The following SUGCT variants were observed in gnomAD, a reference collection of about 807,000 sequenced individuals.
SUGCT encodes succinyl-CoA:glutarate CoA-transferase.
A neutral mutation model predicts 55.0 loss-of-function variants in SUGCT; 41 were observed. That is an observed-to-expected ratio of 0.74 (90% confidence interval 0.58 to 0.97). SUGCT has a LOEUF of 0.97. Among genes scored for constraint, SUGCT ranks in the 50% least tolerant of loss-of-function variants. The pLI is 0.00. For missense variants in SUGCT, 568 were observed against 547.8 expected, an observed-to-expected ratio of 1.04 and a Z score of -0.37; for synonymous variants, 187 against 200.4, an observed-to-expected ratio of 0.93 and a Z score of 0.56.
the SUGCT span, among the ~76,000 whole-genome samples, chr7:40,897,704 G>A: frequency 6.6e-6 from 1 of 152,170 alleles, no homozygotes; most frequent in African/African-American, 2.4e-5. Flanking sequence ...GACAGCAAAT[G>A]AGAGGTGAAG....
At chr7:41,019,399 G>T in the SUGCT span, among the ~76,000 whole-genome samples, 2 of 152,166 alleles carry the variant, frequency 1.3e-5, no homozygotes, top group African/African-American at 4.8e-5. Context: ...CCTGATCCTT[G>T]TGGATTGATT....
intron 9 of SUGCT, among the ~76,000 whole-genome samples, chr7:40,337,320 G>A (rs138559700): frequency 0.016 from 2,435 of 152,060 alleles, 36 homozygotes; most frequent in South Asian, 0.044. Context: ...TTTCTGTCTC[G>A]TTGATCTGTC....
chr7:40,646,383 T>G (rs1172056319), intron 12 of SUGCT, among the ~76,000 whole-genome samples: 2 of 150,850 alleles, frequency 1.3e-5, no homozygotes, highest in East Asian at 1.9e-4. Flanking sequence ...AATAGCTGGG[T>G]TTTTTTTCTT....
intron 1 of SUGCT, among the ~76,000 whole-genome samples, chr7:40,163,839 T>G (rs1784296403): frequency 6.6e-6 from 1 of 151,900 alleles, no homozygotes; most frequent in South Asian, 2.1e-4. Flanking sequence ...TTTTTTTTTT[T>G]TAGACAGAGT....
intron 9 of SUGCT, among the ~76,000 whole-genome samples, chr7:40,393,831 T>C (rs1785575687): frequency 6.6e-6 from 1 of 152,208 alleles, no homozygotes; most frequent in African/African-American, 2.4e-5. Flanking sequence ...ACACAGCTGG[T>C]TTCAGCCATC....
At position 40,448,965 on chromosome 7, in the gene SUGCT, G is replaced by T. The variant is rs370986173; in HGVS notation, c.817-322G>T. 9.9e-3 allele frequency among the ~76,000 whole-genome samples: 1,416 copies of T among 142,774 alleles called. 15 individuals carry two copies. Among genetic ancestry groups the T allele is most frequent in the African/African-American group, 0.031 (1,129 of 36,348 alleles). The allele number at this position is 142,774 out of a possible 152,430, so 93.7% of individuals were successfully genotyped here. On this transcript the variant is annotated intron_variant, in intron 9 of 13. Coordinates refer to ENST00000335693, the MANE Select transcript of SUGCT (RefSeq NM_001193313.2). ...GTGTGTGTGTGTATATATATATAGA[G>T]AGAGAGAGAGAGAGAGAGAAAGAGA...
intron 3 of SUGCT, 75 bp downstream of exon 3, chr7:40,182,103 T>C: frequency 1.2e-6 from 1 of 834,976 alleles, no homozygotes; most frequent in Non-Finnish European, 1.9e-6. Flanking sequence ...AATACCCATG[T>C]TTAGTGTACC....
chr7:40,364,185 T>C (rs1253919320), intron 9 of SUGCT, among the ~76,000 whole-genome samples: 2 of 152,096 alleles, frequency 1.3e-5, no homozygotes, highest in Non-Finnish European at 1.5e-5. Flanking sequence ...TCCTACATCC[T>C]TTTATTTTGA....
chr7:40,296,757 C>T (rs765065784), intron 8 of SUGCT, among the ~76,000 whole-genome samples: 17 of 150,798 alleles, frequency 1.1e-4, no homozygotes, highest in South Asian at 2.1e-4. Flanking sequence ...GTCTCTCTTT[C>T]GTGTGTGTGT....
intron 12 of SUGCT, among the ~76,000 whole-genome samples, chr7:40,617,750 G>A (rs1799077646): frequency 6.6e-6 from 1 of 151,830 alleles, no homozygotes; most frequent in Non-Finnish European, 1.5e-5. Context: ...TTTTCCAATG[G>A]AGAGCTGTGA....
intron 9 of SUGCT, among the ~76,000 whole-genome samples, chr7:40,349,226 C>A (rs1224698979): frequency 6.6e-6 from 1 of 152,156 alleles, no homozygotes; most frequent in Non-Finnish European, 1.5e-5. Flanking sequence ...CTCATTGATA[C>A]AAATTTAGAT....
chr7:40,654,635 C>T (rs1800931402), intron 12 of SUGCT, among the ~76,000 whole-genome samples: 2 of 152,216 alleles, frequency 1.3e-5, no homozygotes, highest in South Asian at 4.1e-4. Flanking sequence ...GCACTATATG[C>T]TTCACACACA....
chr7:40,746,545 A>G (rs1450709038), intron 12 of SUGCT, among the ~76,000 whole-genome samples: 1 of 152,226 alleles, frequency 6.6e-6, no homozygotes, highest in African/African-American at 2.4e-5. Flanking sequence ...AGAAGAATTT[A>G]TATTTTTGCT....
Position 40,245,404 on chromosome 7 carries a change from C to CATATATATATATATAT in SUGCT, c.576+7683_576+7698dup, listed in dbSNP as rs202125224. 5.3e-3 allele frequency among the ~76,000 whole-genome samples: 282 copies of CATATATATATATATAT among 53,076 alleles called. 1 individual carries two copies. The highest frequency in any genetic ancestry group is 0.012 in the Middle Eastern group (1 of 86). 34.8% of individuals were successfully genotyped at this position (53,076 alleles called of 152,430 possible). On this transcript the variant is annotated intron_variant, in intron 7 of 13. Transcript: ENST00000335693. ...TAAATTTTTATAGGTACGTAGTAGA[C>CATATATATATATATAT]ATATATATATATATATATATTTTTT...
intron 9 of SUGCT, among the ~76,000 whole-genome samples, chr7:40,376,513 T>C (rs935587535): frequency 6.6e-6 from 1 of 151,982 alleles, no homozygotes; most frequent in Non-Finnish European, 1.5e-5. Context: ...TGCCTCAGCC[T>C]CCTGAGTAGC....
intron 9 of SUGCT, among the ~76,000 whole-genome samples, chr7:40,377,234 C>T (rs1239688856): frequency 1.8e-4 from 1 of 5,626 alleles, no homozygotes; most frequent in African/African-American, 2.7e-4. Flanking sequence ...TTCTTTCTTC[C>T]CTTCCTTCCT....
chr7:40,747,223 C>T (rs1052928591), intron 12 of SUGCT, among the ~76,000 whole-genome samples: 4 of 152,118 alleles, frequency 2.6e-5, no homozygotes, highest in Non-Finnish European at 5.9e-5. Context: ...AGGTTGACAT[C>T]GTTGTTTAAA....
chr7:40,841,354 A>G (rs963445125), intron 13 of SUGCT, among the ~76,000 whole-genome samples: 2 of 152,118 alleles, frequency 1.3e-5, no homozygotes, highest in African/African-American at 4.8e-5. Flanking sequence ...TTATATTTCA[A>G]ATTTGGTTCT....
intron 12 of SUGCT, among the ~76,000 whole-genome samples, chr7:40,587,717 G>C (rs922676444): frequency 6.6e-6 from 1 of 152,058 alleles, no homozygotes; most frequent in African/African-American, 2.4e-5. Context: ...AATGAAAATA[G>C]CTACCATATG....
Sources: allele counts gnomAD v4.1 joint callset (sites outside exome capture counted in the v4.1 genomes callset), GRCh38; gene constraint gnomAD v4.1.1; transcripts MANE v1.5; gene names NCBI Gene and HGNC (gene_info 2026-07-23, HGNC 2026-07-21).